Variants in STPG2 observed in about 807,000 individuals in gnomAD.
The protein encoded by STPG2 is sperm-tail PG-rich repeat-containing protein 2.
Under a neutral mutation model 54.2 loss-of-function variants are expected in STPG2, and 56 were observed. That is an observed-to-expected ratio of 1.03 (90% CI 0.83 to 1.29). The LOEUF is 1.29. Among genes scored for constraint, STPG2 ranks in the 50% most tolerant of loss-of-function variants. STPG2 has a pLI of 0.00. For missense variants in STPG2, 596 were observed against 544.9 expected (o/e 1.09, Z -0.93); for synonymous variants, 200 against 181.8 (o/e 1.10, Z -0.81).
At chr4:97,455,594 C>T (rs1322833369) in intron 4 of STPG2, among the ~76,000 whole-genome samples, 28 of 152,198 alleles carry the variant, frequency 1.8e-4, no homozygotes, top group Admixed American at 1.8e-3. Context: ...CCCCTTCTGG[C>T]TCTCCCATCT....
rs528685713 is a variant in STPG2 at position 97,875,311 on chromosome 4, T to A, written c.1045-34379A>T. Among the ~76,000 whole-genome samples the A allele has an allele frequency of 4.6e-5, 7 of 151,980 alleles. No individual in the cohort carries two copies. In the East Asian group the frequency reaches 5.8e-4, roughly 13 times the overall value. On this transcript the variant is annotated intron_variant, in intron 8 of 10. Transcript: ENST00000295268. Reference sequence around the variant, plus strand: ...TAGCGGCTATACATAATTGTCTCTTTATATACTTACGTATATTGCAACTAC... The same window carrying A: ...TAGCGGCTATACATAATTGTCTCTTAATATACTTACGTATATTGCAACTAC...
intron 10 of STPG2, among the ~76,000 whole-genome samples, chr4:97,677,026 T>C (rs1722872426): frequency 6.6e-6 from 1 of 152,208 alleles, no homozygotes; most frequent in Non-Finnish European, 1.5e-5. Context: ...TTAACAAATT[T>C]ATAGTAGTAG....
intron 5 of STPG2, among the ~76,000 whole-genome samples, chr4:97,984,110 C>T (rs1026984792): frequency 2.0e-5 from 3 of 152,038 alleles, no homozygotes; most frequent in Non-Finnish European, 2.9e-5. Context: ...CCATACCATC[C>T]CAATAAACCA....
intron 8 of STPG2, among the ~76,000 whole-genome samples, chr4:97,871,517 T>C (rs1578642396): frequency 6.6e-6 from 1 of 151,094 alleles, no homozygotes; most frequent in Non-Finnish European, 1.5e-5. Flanking sequence ...CTAGTCTACT[T>C]TTCAGACCTT....
chr4:97,744,485 AT>A (rs916273919), intron 9 of STPG2, among the ~76,000 whole-genome samples: 1 of 151,168 alleles, frequency 6.6e-6, no homozygotes, highest in Non-Finnish European at 1.5e-5. Flanking sequence ...ATAATTTTTT[AT>A]TTTTAATAAT....
chr4:97,585,101 C>CAAAAAAAAAAAAAA (rs60854805), intron 10 of STPG2, among the ~76,000 whole-genome samples: 1 of 46,254 alleles, frequency 2.2e-5, no homozygotes, highest in Non-Finnish European at 3.4e-5. Context: ...AAAATATTCT[C>CAAAAAAAAAAAAAA]AAAAAAAAAA....
rs567421675 is a variant in STPG2 at position 98,141,427 on chromosome 4, GCTAT to G, written c.109+1611_109+1614del. 1.9e-3 allele frequency among the ~76,000 whole-genome samples: 291 copies of G among 152,280 alleles called. 5 individuals carry two copies. The highest frequency in any genetic ancestry group is 3.9e-3 in the South Asian group (19 of 4,834). On this transcript the variant is annotated intron_variant, in intron 1 of 10. Transcript: ENST00000295268. Reference sequence around the variant, plus strand: ...AACCTGCTCCCTCTCTCTGAAGTCTGCTATCTGAGAGTTTCCTCTGCACAACAAA... The same window carrying G: ...AACCTGCTCCCTCTCTCTGAAGTCTGCTGAGAGTTTCCTCTGCACAACAAA...
rs148517967 is a variant in STPG2, at chr4:97,956,188, T to C, written c.934-12181A>G. Reference sequence around the variant, plus strand: ...ATGGAGTTAAAATGTTCTGAGTCAGTCTTATTGAGAAAGTGGTAAAGGTCA... The same window carrying C: ...ATGGAGTTAAAATGTTCTGAGTCAGCCTTATTGAGAAAGTGGTAAAGGTCA... On this transcript the variant is annotated intron_variant, in intron 7 of 10. Coordinates refer to ENST00000295268, the MANE Select transcript of STPG2 (RefSeq NM_174952.3). 8.5e-5 allele frequency among the ~76,000 whole-genome samples: 13 copies of C among 152,298 alleles called. No individual in the cohort carries two copies. The East Asian group carries it at 2.3e-3, about 27-fold the overall frequency.
intron 8 of STPG2, among the ~76,000 whole-genome samples, chr4:97,908,626 C>G (rs1329227052): frequency 2.6e-5 from 4 of 151,720 alleles, no homozygotes; most frequent in Non-Finnish European, 5.9e-5. Context: ...AAATGTCCAA[C>G]AATGATAGAC....
intron 9 of STPG2, among the ~76,000 whole-genome samples, chr4:97,732,608 A>G (rs1251677563): frequency 6.6e-6 from 1 of 152,198 alleles, no homozygotes; most frequent in Non-Finnish European, 1.5e-5. Flanking sequence ...GAAAAAAGAA[A>G]TAATTAGCAG....
intron 10 of STPG2, among the ~76,000 whole-genome samples, chr4:97,699,577 C>T (rs1723698351): frequency 6.6e-6 from 1 of 152,206 alleles, no homozygotes; most frequent in Non-Finnish European, 1.5e-5. Flanking sequence ...GGCCATTTCT[C>T]CTTCCATGCA....
Position 97,486,804 on chromosome 4 carries a change from GGTGT to G in STPG2, c.462+225891_462+225894del, listed in dbSNP as rs546341277. ...ATCAATGAGTGGATAAAGAAACTGT[GGTGT>G]GTGTGTGTGTGTGTGTGTGTGTATA... On this transcript the variant is annotated intron_variant, in intron 4 of 4. Coordinates refer to the STPG2 transcript ENST00000522676. Among the ~76,000 whole-genome samples, 336 of 130,852 alleles carry G rather than the reference GGTGT, an allele frequency of 2.6e-3. 3 individuals are homozygous for G. The highest frequency in any genetic ancestry group is 8.0e-3 in the African/African-American group (271 of 33,710). 85.8% of individuals were successfully genotyped at this position (130,852 alleles called of 152,430 possible). A position where few individuals can be genotyped will look rare whatever the true frequency, so the allele number is the denominator to read the frequency against.
At chr4:97,557,519 AC>A (rs1188447135), downstream of STPG2, among the ~76,000 whole-genome samples, 10 of 152,320 alleles carry the variant, frequency 6.6e-5, no homozygotes, top group Non-Finnish European at 1.2e-4. Flanking sequence ...ATATCCTGGT[AC>A]TGCAAACATG....
chr4:98,073,700 CT>C (rs1435469274), intron 5 of STPG2, among the ~76,000 whole-genome samples: 1 of 152,066 alleles, frequency 6.6e-6, no homozygotes, highest in Non-Finnish European at 1.5e-5. Context: ...GCACTCCAGC[CT>C]GGGCAACAAG....
downstream of STPG2, among the ~76,000 whole-genome samples, chr4:97,555,509 T>C (rs1329353058): frequency 6.6e-6 from 1 of 152,160 alleles, no homozygotes; most frequent in Admixed American, 6.5e-5. Context: ...TTTTCTTCCC[T>C]GTAAAATAAG....
intron 5 of STPG2, among the ~76,000 whole-genome samples, chr4:98,087,816 T>C (rs1738569595): frequency 6.6e-6 from 1 of 152,158 alleles, no homozygotes; most frequent in South Asian, 2.1e-4. Context: ...CGCCTCGGCC[T>C]CCCAAAGTGC....
intron 8 of STPG2, among the ~76,000 whole-genome samples, chr4:97,914,410 T>C (rs1017583500): frequency 6.6e-6 from 1 of 151,922 alleles, no homozygotes; most frequent in Non-Finnish European, 1.5e-5. Context: ...CATGAAAAGA[T>C]TTTTTTTAAC....
Position 97,840,910 on chromosome 4 carries a change from T to C in STPG2, c.1067A>G (p.Tyr356Cys). The C allele has an allele frequency of 1.2e-6, 2 of 1,611,648 alleles. No individual in the cohort carries two copies. Among genetic ancestry groups the C allele is most frequent in the South Asian group, 1.1e-5 (1 of 90,962 alleles). Residue 356 changes from tyrosine (Y) to cysteine (C), a missense_variant, in exon 9 of 11, where the codon TAT (tyrosine) becomes TGT (cysteine). Coordinates refer to ENST00000295268, the MANE Select transcript of STPG2 (RefSeq NM_174952.3). The part of the protein sequence containing the change: ...PDMVIPAPGS[Y>C]DVHKSYEMSQ... ...CATCTCATATGATTTGTGAACATCA[T>C]AGCTGCCTGGCGCTGGAATAACCTG...
chr4:98,132,191 A>T (rs1740014123), intron 2 of STPG2, among the ~76,000 whole-genome samples: 1 of 152,094 alleles, frequency 6.6e-6, no homozygotes, highest in African/African-American at 2.4e-5. Flanking sequence ...GGTAGTTTGT[A>T]AAATTTCCCT....
Sources: allele counts gnomAD v4.1 joint callset (sites outside exome capture counted in the v4.1 genomes callset), GRCh38; gene constraint gnomAD v4.1.1; transcripts MANE v1.5; gene names NCBI Gene and HGNC (gene_info 2026-07-23, HGNC 2026-07-21).